The following ROBO1 variants were observed in gnomAD, a reference collection of about 807,000 sequenced individuals.
ROBO1 encodes the protein roundabout guidance receptor 1.
A neutral mutation model predicts 195.9 loss-of-function variants in ROBO1; 149 were observed. The observed-to-expected ratio is 0.76, with a 90% CI of 0.67 to 0.87. ROBO1 has a LOEUF of 0.87. Ranked by LOEUF, ROBO1 falls within the 40% of genes least tolerant of loss-of-function variation. The pLI is 0.00. For missense variants in ROBO1, 1,933 were observed against 2,068.3 expected, an observed-to-expected ratio of 0.93 and a Z score of 1.27; for synonymous variants, 816 against 733.2, an observed-to-expected ratio of 1.11 and a Z score of -1.82.
Position 78,956,328 on chromosome 3 carries a change from C to T in ROBO1, c.173-17401G>A, listed in dbSNP as rs116999508. On this transcript the variant is annotated intron_variant, in intron 3 of 30. Transcript: ENST00000464233. The stretch of plus-strand genomic sequence containing the variant: ...TAGAATACCCCAAATTTTCCTAATT[C>T]CAAGAACATTTTATTATTGATAATA... Among the ~76,000 whole-genome samples, 240 of 152,084 alleles carry T rather than the reference C, an allele frequency of 1.6e-3. 2 individuals carry two copies. In the East Asian group the frequency reaches 0.032, roughly 20 times the overall value.
intron 4 of ROBO1, among the ~76,000 whole-genome samples, chr3:78,914,896 T>A (rs1285027739): frequency 6.6e-6 from 1 of 151,488 alleles, no homozygotes; most frequent in African/African-American, 2.4e-5. Flanking sequence ...ATATCAATTA[T>A]CTATTATATA....
chr3:79,646,472 A>G (rs1004657714), intron 1 of ROBO1, among the ~76,000 whole-genome samples: 1 of 152,152 alleles, frequency 6.6e-6, no homozygotes, highest in Non-Finnish European at 1.5e-5. Context: ...GTAAATTAGA[A>G]CAATTACTAT....
intron 2 of ROBO1, among the ~76,000 whole-genome samples, chr3:79,412,654 A>G (rs2037821167): frequency 6.6e-6 from 1 of 152,098 alleles, no homozygotes; most frequent in African/African-American, 2.4e-5. Context: ...CATCTTTCTT[A>G]CTTAGCTTGT....
chr3:78,718,673 C>A (rs777158205), intron 5 of ROBO1, among the ~76,000 whole-genome samples: 10 of 151,782 alleles, frequency 6.6e-5, no homozygotes, highest in Admixed American at 1.3e-4. Flanking sequence ...GTTCAATTAC[C>A]CATGAATATC....
chr3:79,501,764 A>T (rs192129707), intron 2 of ROBO1, among the ~76,000 whole-genome samples: 1 of 152,340 alleles, frequency 6.6e-6, no homozygotes, highest in East Asian at 1.9e-4. Flanking sequence ...AAAAAAACAA[A>T]TCTATGTCAA....
At chr3:79,534,539 C>T (rs138672173) in intron 2 of ROBO1, among the ~76,000 whole-genome samples, 1 of 152,260 alleles carries the variant, frequency 6.6e-6, no homozygotes, top group Non-Finnish European at 1.5e-5. Context: ...CTGAAAATCT[C>T]TGTAACGCTG....
chr3:79,764,241 A>C (rs1215967829), intron 1 of ROBO1, among the ~76,000 whole-genome samples: 2 of 152,214 alleles, frequency 1.3e-5, no homozygotes, highest in Admixed American at 1.3e-4. Flanking sequence ...CTAGGACCTC[A>C]ATTTCCTATA....
At chr3:79,180,494 T>C (rs2081322880) in intron 2 of ROBO1, among the ~76,000 whole-genome samples, 1 of 152,170 alleles carries the variant, frequency 6.6e-6, no homozygotes, top group Non-Finnish European at 1.5e-5. Context: ...ACTTTCCAAC[T>C]GCCAATCGAG....
intron 4 of ROBO1, among the ~76,000 whole-genome samples, chr3:78,878,535 G>A (rs958323485): frequency 1.0e-4 from 12 of 116,542 alleles, no homozygotes; most frequent in Non-Finnish European, 1.9e-4. Context: ...AGTGAGCCGA[G>A]ATCACACCAC....
chr3:79,060,322 G>A lies in ROBO1; in HGVS notation c.172+65134C>T, dbSNP rs752986088. On this transcript the variant is annotated intron_variant, in intron 3 of 30. Coordinates refer to ENST00000464233, the MANE Select transcript of ROBO1 (RefSeq NM_002941.4). ...TCATGTGATCTCACTCTGCTTTTCT[G>A]CCCGTGTGATATTTTATTGCCTTTG... is the stretch of plus-strand genomic sequence containing the variant. 1.9e-4 allele frequency among the ~76,000 whole-genome samples: 29 copies of A among 151,754 alleles called. 1 individual carries two copies. The highest frequency in any genetic ancestry group is 7.4e-5 in the Non-Finnish European group (5 of 67,914).
At chr3:79,026,520 A>C (rs547378875) in intron 3 of ROBO1, among the ~76,000 whole-genome samples, 1 of 152,084 alleles carries the variant, frequency 6.6e-6, no homozygotes, top group African/African-American at 2.4e-5. Flanking sequence ...AAGCTTTTTT[A>C]TTTTATGTCC....
chr3:79,300,285 C>T (rs915500586), intron 2 of ROBO1, among the ~76,000 whole-genome samples: 1 of 152,190 alleles, frequency 6.6e-6, no homozygotes, highest in African/African-American at 2.4e-5. Context: ...TCCGGGTGGG[C>T]GTGGGCTTGG....
At chr3:79,221,258 A>G (rs765163703) in intron 2 of ROBO1, among the ~76,000 whole-genome samples, 2 of 152,258 alleles carry the variant, frequency 1.3e-5, no homozygotes, top group African/African-American at 2.4e-5. Flanking sequence ...CATTATATAC[A>G]TCATCATTTT....
intron 3 of ROBO1, among the ~76,000 whole-genome samples, chr3:79,037,358 C>T (rs184541292): frequency 3.4e-4 from 51 of 152,078 alleles, no homozygotes; most frequent in Non-Finnish European, 5.6e-4. Flanking sequence ...CATTTTTATT[C>T]TCCTCTGAAC....
intron 1 of ROBO1, among the ~76,000 whole-genome samples, chr3:79,691,424 T>C (rs2107081730): frequency 6.6e-6 from 1 of 151,680 alleles, no homozygotes; most frequent in East Asian, 1.9e-4. Flanking sequence ...ATAGAGTATA[T>C]GCATTATATA....
At chr3:79,640,541 C>A (rs1467922914) in intron 1 of ROBO1, among the ~76,000 whole-genome samples, 1 of 152,112 alleles carries the variant, frequency 6.6e-6, no homozygotes, top group Non-Finnish European at 1.5e-5. Flanking sequence ...CGACTTCAGT[C>A]CGGCTGTCAG....
chr3:79,609,841 G>C (rs1241138831), intron 1 of ROBO1, among the ~76,000 whole-genome samples: 2 of 151,852 alleles, frequency 1.3e-5, no homozygotes, highest in Non-Finnish European at 2.9e-5. Context: ...TGCAGGAGTT[G>C]AGGGAAGAAG....
intron 1 of ROBO1, among the ~76,000 whole-genome samples, chr3:79,681,025 G>A (rs9829565): frequency 0.29 from 43,816 of 151,778 alleles, 7,339 homozygotes; most frequent in African/African-American, 0.47. Flanking sequence ...TGAGTTCAAG[G>A]AATCAAGAGA....
intron 2 of ROBO1, among the ~76,000 whole-genome samples, chr3:79,442,885 T>C (rs1350102865): frequency 6.6e-6 from 1 of 152,142 alleles, no homozygotes; most frequent in Non-Finnish European, 1.5e-5. Flanking sequence ...GTACTTTTTA[T>C]TGTAGACAAG....
Sources: allele counts gnomAD v4.1 joint callset (sites outside exome capture counted in the v4.1 genomes callset), GRCh38; gene constraint gnomAD v4.1.1; transcripts MANE v1.5; gene names NCBI Gene and HGNC (gene_info 2026-07-23, HGNC 2026-07-21).